Variants in PDSS2 observed in about 807,000 individuals in gnomAD.
PDSS2 encodes the protein decaprenyl diphosphate synthase subunit 2, also known as all trans-polyprenyl-diphosphate synthase PDSS2.
In PDSS2, 31 loss-of-function variants were observed where a neutral mutation model predicts 44.5. That is an observed-to-expected ratio of 0.70 (90% CI 0.52 to 0.94). The LOEUF (loss-of-function observed/expected upper bound fraction) is 0.94, where lower values mean the gene tolerates loss of function less well. Among genes scored for constraint, PDSS2 ranks in the 40% least tolerant of loss-of-function variants. The probability of loss-of-function intolerance (pLI) is 0.00; values close to 1 mark genes in which losing one functional copy is unlikely to be tolerated. For synonymous variants in PDSS2, 157 were observed against 180.3 expected, an observed-to-expected ratio of 0.87 and a Z score of 1.03; for missense variants, 452 against 482.2, an observed-to-expected ratio of 0.94 and a Z score of 0.59.
chr6:107,429,839 G>A (rs576754181), intron 1 of PDSS2, among the ~76,000 whole-genome samples: 17 of 132,874 alleles, frequency 1.3e-4, no homozygotes, highest in Admixed American at 9.4e-4. Flanking sequence ...AGCCAAGATC[G>A]CGCCATTGCA....
chr6:107,170,615 C>A (rs1966287), intron 7 of PDSS2, among the ~76,000 whole-genome samples: 8 of 137,012 alleles, frequency 5.8e-5, no homozygotes, highest in African/African-American at 1.4e-4. Context: ...CACCCCCCCC[C>A]CCCCACTTTT....
intron 2 of PDSS2, among the ~76,000 whole-genome samples, chr6:107,330,000 CAA>C (rs1373675376): frequency 5.4e-4 from 35 of 64,908 alleles, no homozygotes; most frequent in Admixed American, 5.5e-4. Flanking sequence ...GACTCTGTCT[CAA>C]AAAAAAAAAA....
intron 3 of PDSS2, among the ~76,000 whole-genome samples, chr6:107,251,373 T>C (rs996942830): frequency 6.6e-6 from 1 of 152,234 alleles, no homozygotes; most frequent in African/African-American, 2.4e-5. Flanking sequence ...GTGATTTTAA[T>C]GATGGATTTA....
At chr6:107,258,996 T>G (rs959958587) in intron 3 of PDSS2, among the ~76,000 whole-genome samples, 4 of 152,312 alleles carry the variant, frequency 2.6e-5, no homozygotes, top group African/African-American at 9.6e-5. Context: ...GATTTTGCAG[T>G]CAGATTGCCT....
intron 1 of PDSS2, among the ~76,000 whole-genome samples, chr6:107,385,231 C>A (rs1039767471): frequency 6.6e-6 from 1 of 151,870 alleles, no homozygotes; most frequent in African/African-American, 2.4e-5. Flanking sequence ...TTAAAAACAT[C>A]CTTCTGCCTA....
chr6:107,430,612 C>G (rs1781164803), intron 1 of PDSS2, among the ~76,000 whole-genome samples: 1 of 152,152 alleles, frequency 6.6e-6, no homozygotes, highest in African/African-American at 2.4e-5. Context: ...GAGTTCCAGA[C>G]CAGCCTGGCC....
chr6:107,211,178 A>T (rs1773190706), intron 5 of PDSS2, among the ~76,000 whole-genome samples: 1 of 151,936 alleles, frequency 6.6e-6, no homozygotes, highest in Non-Finnish European at 1.5e-5. Flanking sequence ...ATTAAATAAA[A>T]TATGCAAAAA....
intron 1 of PDSS2, among the ~76,000 whole-genome samples, chr6:107,442,292 C>CT (rs1413932292): frequency 6.6e-6 from 1 of 152,096 alleles, no homozygotes; most frequent in Non-Finnish European, 1.5e-5. Context: ...TGGCACATGC[C>CT]TATAATCCCA....
rs2500573 is a variant in PDSS2, at chr6:107,333,915, A to G, written c.431+283T>C. On this transcript the variant is annotated intron_variant, in intron 2 of 7. Coordinates refer to ENST00000369037, the MANE Select transcript of PDSS2 (RefSeq NM_020381.4). ...ACAGAGGTCTCTACAGAGACACAAC[A>G]ATACATAATAAGGGGAGGGAGAAGT... 0.96 allele frequency among the ~76,000 whole-genome samples: 146,514 copies of G among 152,206 alleles called. 70,747 individuals are homozygous for G. Among genetic ancestry groups the G allele is most frequent in the East Asian group, 1 (5,172 of 5,172 alleles).
At chr6:107,322,919 G>C (rs541244668) in intron 2 of PDSS2, among the ~76,000 whole-genome samples, 1 of 152,284 alleles carries the variant, frequency 6.6e-6, no homozygotes, top group African/African-American at 2.4e-5. Context: ...TATAGAGAGG[G>C]AGGATGCCAG....
At chr6:107,343,727 C>G (rs1220024382) in intron 1 of PDSS2, among the ~76,000 whole-genome samples, 1 of 152,062 alleles carries the variant, frequency 6.6e-6, no homozygotes, top group Non-Finnish European at 1.5e-5. Flanking sequence ...AGGACAAAAA[C>G]TAGAAATAAA....
rs142527807 is a variant in PDSS2 at position 107,448,464 on chromosome 6, T to C, written c.296+10526A>G. On this transcript the variant is annotated intron_variant, in intron 1 of 7. Transcript: ENST00000369037. ...AGCTGCCAATCTCTTTGCTAAAGCA[T>C]AGCAAGAGTGACCTTTACTCCAGTT... is the stretch of plus-strand genomic sequence containing the variant. Among the ~76,000 whole-genome samples the C allele has an allele frequency of 1.5e-4, 23 of 152,362 alleles. No homozygotes were observed. In the East Asian group the frequency reaches 4.2e-3, roughly 28 times the overall value.
chr6:107,184,023 G>A (rs1035550202), intron 7 of PDSS2, among the ~76,000 whole-genome samples: 48 of 151,910 alleles, frequency 3.2e-4, no homozygotes, highest in Non-Finnish European at 5.0e-4. Flanking sequence ...ACAAAACAAA[G>A]CAAAGAAAAA....
intron 6 of PDSS2, among the ~76,000 whole-genome samples, chr6:107,201,049 C>CA (rs989652806): frequency 6.6e-6 from 1 of 152,018 alleles, no homozygotes; most frequent in Non-Finnish European, 1.5e-5. Context: ...TTTCAACAGC[C>CA]AGCAGTCCTG....
At chr6:107,410,722 A>G (rs1015515758) in intron 1 of PDSS2, among the ~76,000 whole-genome samples, 4 of 152,116 alleles carry the variant, frequency 2.6e-5, no homozygotes, top group Non-Finnish European at 5.9e-5. Context: ...TCCTGACCTC[A>G]GGTGATCTGC....
chr6:107,191,307 T>C (rs1772372280), intron 7 of PDSS2, among the ~76,000 whole-genome samples: 1 of 152,054 alleles, frequency 6.6e-6, no homozygotes, highest in African/African-American at 2.4e-5. Context: ...GACTGAGCAG[T>C]AGGTTTTTCA....
chr6:107,326,712 C>T (rs565468045), intron 2 of PDSS2, among the ~76,000 whole-genome samples: 2 of 151,762 alleles, frequency 1.3e-5, no homozygotes, highest in South Asian at 2.1e-4. Flanking sequence ...ATTAGCCAGG[C>T]GTGGTGGTGC....
chr6:107,324,594 C>A (rs1219725205), intron 2 of PDSS2, among the ~76,000 whole-genome samples: 1 of 152,062 alleles, frequency 6.6e-6, no homozygotes, highest in Non-Finnish European at 1.5e-5. Context: ...CAAACCTCTC[C>A]AACCCCTTCT....
In PDSS2 at chr6:107,154,504, G is replaced by C; in HGVS notation, c.*115C>G. 9 of 944,516 alleles carry C rather than the reference G, an allele frequency of 9.5e-6. No homozygotes were observed. The South Asian group carries it at 1.2e-4, about 13-fold the overall frequency. 58.5% of individuals were successfully genotyped at this position (944,516 alleles called of 1,614,324 possible). A position where few individuals can be genotyped will look rare whatever the true frequency, so the allele number is the denominator to read the frequency against. On this transcript the variant is annotated 3_prime_UTR_variant, in exon 8 of 8. Coordinates refer to ENST00000369037, the MANE Select transcript of PDSS2 (RefSeq NM_020381.4). ...GAACTCATTTAGCAATGTGATAAAA[G>C]GAAGGAAAAATGCATATGTTTTAAA...
Sources: gnomAD v4.1 joint callset for allele counts (sites outside exome capture counted in the v4.1 genomes callset) on GRCh38, gnomAD v4.1.1 for gene constraint, MANE v1.5 for transcripts, NCBI Gene and HGNC (gene_info 2026-07-23, HGNC 2026-07-21) for gene names.